The following LHFPL6 variants were observed in gnomAD, a reference collection of about 807,000 sequenced individuals.
LHFPL6 encodes the protein LHFPL tetraspan subfamily member 6, also known as LHFPL tetraspan subfamily member 6 protein.
In LHFPL6, 9 loss-of-function variants were observed where a neutral mutation model predicts 20.6. That is an observed-to-expected ratio of 0.44 (90% confidence interval 0.26 to 0.76). The LOEUF is 0.76. LHFPL6 is among the 30% of genes least tolerant of loss of function. The pLI, the probability that LHFPL6 is intolerant of heterozygous loss-of-function variation, is 0.20. For missense variants in LHFPL6, 218 were observed against 253.5 expected (o/e 0.86, Z 0.95); for synonymous variants, 105 against 98.7 (o/e 1.06, Z -0.38).
chr13:39,451,503 CTG>C, intron 2 of LHFPL6, among the ~76,000 whole-genome samples: 1 of 152,276 alleles, frequency 6.6e-6, no homozygotes, highest in Admixed American at 6.5e-5. Flanking sequence ...AGAAAGAAAA[CTG>C]TTTCACAAAA....
intron 2 of LHFPL6, among the ~76,000 whole-genome samples, chr13:39,600,300 T>C (rs551015490): frequency 1.3e-3 from 200 of 152,374 alleles, no homozygotes; most frequent in African/African-American, 4.7e-3. Flanking sequence ...ATAGTTGTTA[T>C]ATAAAACTGA....
chr13:39,479,429 G>A (rs1025636189), intron 2 of LHFPL6, among the ~76,000 whole-genome samples: 1 of 152,130 alleles, frequency 6.6e-6, no homozygotes, highest in Non-Finnish European at 1.5e-5. Context: ...ATGTAAGCAG[G>A]CCCTGCAGTT....
chr13:39,486,113 A>G (rs911318993), intron 2 of LHFPL6, among the ~76,000 whole-genome samples: 1 of 152,138 alleles, frequency 6.6e-6, no homozygotes, highest in Non-Finnish European at 1.5e-5. Flanking sequence ...AGTTTTGCCA[A>G]CATCTGATAG....
chr13:39,472,088 TCA>T (rs1280787927), intron 2 of LHFPL6, among the ~76,000 whole-genome samples: 1 of 152,220 alleles, frequency 6.6e-6, no homozygotes, highest in Non-Finnish European at 1.5e-5. Context: ...CCTGAGATTT[TCA>T]CCTCCTCTAG....
At chr13:39,505,497 TA>T (rs796481432) in intron 2 of LHFPL6, among the ~76,000 whole-genome samples, 32 of 142,036 alleles carry the variant, frequency 2.3e-4, no homozygotes, top group Admixed American at 2.8e-4. Flanking sequence ...GAGAACTGTC[TA>T]AAAAAAAAAA....
At chr13:39,441,408 T>C (rs989412975) in intron 2 of LHFPL6, among the ~76,000 whole-genome samples, 1 of 152,108 alleles carries the variant, frequency 6.6e-6, no homozygotes, top group African/African-American at 2.4e-5. Context: ...CAGCAATTTG[T>C]AGGACCACCA....
chr13:39,449,963 A>G (rs1872398171), intron 2 of LHFPL6, among the ~76,000 whole-genome samples: 1 of 152,142 alleles, frequency 6.6e-6, no homozygotes, highest in South Asian at 2.1e-4. Flanking sequence ...TCATCTGACA[A>G]TCTCATATAT....
intron 2 of LHFPL6, among the ~76,000 whole-genome samples, chr13:39,463,586 G>C (rs952326677): frequency 3.9e-5 from 6 of 152,124 alleles, no homozygotes; most frequent in African/African-American, 1.2e-4. Flanking sequence ...CTCCAGGTAG[G>C]TGCCTCCGAA....
At chr13:39,475,902 G>A (rs1227795467) in intron 2 of LHFPL6, among the ~76,000 whole-genome samples, 1 of 152,092 alleles carries the variant, frequency 6.6e-6, no homozygotes, top group Admixed American at 6.6e-5. Flanking sequence ...AGGGCGGAGT[G>A]TCTCCCTATC....
At chr13:39,584,525 CA>C (rs35746128) in intron 2 of LHFPL6, among the ~76,000 whole-genome samples, 6,913 of 58,862 alleles carry the variant, frequency 0.12, 207 homozygotes, top group African/African-American at 0.2. Context: ...AACTCTGTCT[CA>C]AAAAAAAAAA....
At chr13:39,570,230 C>T (rs1048447329) in intron 2 of LHFPL6, among the ~76,000 whole-genome samples, 1 of 152,168 alleles carries the variant, frequency 6.6e-6, no homozygotes, top group Non-Finnish European at 1.5e-5. Flanking sequence ...TAACCTGGAA[C>T]TCCTGGATTC....
intron 2 of LHFPL6, among the ~76,000 whole-genome samples, chr13:39,520,202 T>C (rs1870062282): frequency 6.6e-6 from 1 of 152,034 alleles, no homozygotes; most frequent in East Asian, 1.9e-4. Flanking sequence ...GAAGGGCCTG[T>C]ATCAAGAACC....
At position 39,523,323 on chromosome 13, in the gene LHFPL6, A is replaced by C. The variant is rs550688313; in HGVS notation, c.385+77509T>G. 2.0e-3 allele frequency among the ~76,000 whole-genome samples: 308 copies of C among 152,270 alleles called. 2 individuals are homozygous for C. Among genetic ancestry groups the C allele is most frequent in the Non-Finnish European group, 3.2e-3 (219 of 68,016 alleles). On this transcript the variant is annotated intron_variant, in intron 2 of 3. Coordinates refer to ENST00000379589, the MANE Select transcript of LHFPL6 (RefSeq NM_005780.3). ...GGTGGCTCACGCCTGTAATCCCAGCACTTTGGGAGGCCGAGGCGGGCGGAT... is the reference window on the plus strand; with the variant it reads ...GGTGGCTCACGCCTGTAATCCCAGCCCTTTGGGAGGCCGAGGCGGGCGGAT...
chr13:39,489,717 T>C (rs1434700785), intron 2 of LHFPL6, among the ~76,000 whole-genome samples: 1 of 151,974 alleles, frequency 6.6e-6, no homozygotes, highest in Non-Finnish European at 1.5e-5. Flanking sequence ...CATGCCCGGC[T>C]AATTTTTGTA....
rs555571899 is a variant in LHFPL6 at position 39,400,762 on chromosome 13, G to T, written c.386-22236C>A. 9.7e-5 allele frequency among the ~76,000 whole-genome samples: 10 copies of T among 102,588 alleles called. No homozygotes were observed. The East Asian group carries it at 3.2e-3, about 33-fold the overall frequency. The allele number at this position is 102,588 out of a possible 152,430, so 67.3% of individuals were successfully genotyped here. Reference sequence around the variant, plus strand: ...CCCGCCACTGCACTCCAGCCTGGGCGACAGAGCGAGACTCCGTCTCAAAAA... The same window carrying T: ...CCCGCCACTGCACTCCAGCCTGGGCTACAGAGCGAGACTCCGTCTCAAAAA... On this transcript the variant is annotated intron_variant, in intron 2 of 3. Coordinates refer to ENST00000379589, the MANE Select transcript of LHFPL6 (RefSeq NM_005780.3).
intron 2 of LHFPL6, among the ~76,000 whole-genome samples, chr13:39,451,311 T>C (rs1170669459): frequency 6.6e-6 from 1 of 152,232 alleles, no homozygotes; most frequent in African/African-American, 2.4e-5. Context: ...GCAACTAAGA[T>C]ATTGGGTGAT....
At chr13:39,562,699 T>C (rs189290067) in intron 2 of LHFPL6, among the ~76,000 whole-genome samples, 5 of 146,920 alleles carry the variant, frequency 3.4e-5, no homozygotes, top group East Asian at 2.1e-4. Context: ...CACACACATA[T>C]ATATATATAC....
chr13:39,376,425 G>A (rs1870295406), intron 3 of LHFPL6, among the ~76,000 whole-genome samples: 1 of 152,134 alleles, frequency 6.6e-6, no homozygotes, highest in Non-Finnish European at 1.5e-5. Context: ...CATCAAAGAG[G>A]GAAGAATAGG....
intron 2 of LHFPL6, among the ~76,000 whole-genome samples, chr13:39,380,798 T>C (rs1870417921): frequency 6.6e-6 from 1 of 152,098 alleles, no homozygotes; most frequent in South Asian, 2.1e-4. Context: ...CGGCCTAGCA[T>C]TAGATTCTTG....
Sources: allele counts gnomAD v4.1 joint callset (sites outside exome capture counted in the v4.1 genomes callset), GRCh38; gene constraint gnomAD v4.1.1; transcripts MANE v1.5; gene names NCBI Gene and HGNC (gene_info 2026-07-23, HGNC 2026-07-21).